The following KLF8 variants were observed in gnomAD, a reference collection of about 807,000 sequenced individuals.
KLF8 encodes the protein Krueppel-like factor 8.
In KLF8, 10 loss-of-function variants were observed where a neutral mutation model predicts 18.2. The observed-to-expected ratio is 0.55, with a 90% CI of 0.34 to 0.93. KLF8 has a LOEUF of 0.93. Among genes scored for constraint, KLF8 ranks in the 40% least tolerant of loss-of-function variants. The pLI is 0.02. For missense variants in KLF8, 264 were observed against 277.9 expected (o/e 0.95, Z 0.36); for synonymous variants, 109 against 97.3 (o/e 1.12, Z -0.71).
chrX:56,284,765 C>T lies in KLF8; in HGVS notation c.*271C>T, dbSNP rs189932828. On this transcript the variant is annotated 3_prime_UTR_variant, in exon 6 of 6. Coordinates refer to ENST00000468660, the MANE Select transcript of KLF8 (RefSeq NM_007250.5). Reference sequence around the variant, plus strand: ...ACCCATGGCTGCCTTCCCATCCCCCCCTGCTCTGAAATAGGACATTTTTCC... The same window carrying T: ...ACCCATGGCTGCCTTCCCATCCCCCTCTGCTCTGAAATAGGACATTTTTCC... 2.9e-3 allele frequency: 773 copies of T among 265,743 alleles called. No individual in the cohort carries two copies. Among genetic ancestry groups the T allele is most frequent in the African/African-American group, 0.016 (556 of 35,686 alleles). The allele number at this position is 265,743 out of a possible 1,213,427, so 21.9% of individuals were successfully genotyped here. A position where few individuals can be genotyped will look rare whatever the true frequency, so the allele number is the denominator to read the frequency against.
At position 56,275,802 on chromosome X, in the gene KLF8, A is replaced by T. The variant is rs2067114633; in HGVS notation, c.898+5481A>T. Among the ~76,000 whole-genome samples, 3 of 112,345 alleles carry T rather than the reference A, an allele frequency of 2.7e-5. No individual in the cohort carries two copies. In the South Asian group the frequency reaches 1.1e-3, roughly 41 times the overall value. ...TTGATATGATGTATCACATTAATTGATTTGCATATGCTGAACCATCCCCAC... is the reference window on the plus strand; with the variant it reads ...TTGATATGATGTATCACATTAATTGTTTTGCATATGCTGAACCATCCCCAC... On this transcript the variant is annotated intron_variant, in intron 5 of 5. Transcript: ENST00000468660.
the KLF8 span, among the ~76,000 whole-genome samples, chrX:55,915,740 G>C: frequency 1.7e-4 from 19 of 112,047 alleles, no homozygotes; most frequent in African/African-American, 6.1e-4. Context: ...AGCTGAAGCA[G>C]CAGCTTCCCC....
the KLF8 span, among the ~76,000 whole-genome samples, chrX:56,143,786 C>T: frequency 5.4e-5 from 6 of 111,800 alleles, no homozygotes; most frequent in Non-Finnish European, 9.4e-5. Flanking sequence ...TTGTTGCAAC[C>T]ATTTAAACAA....
the KLF8 span, among the ~76,000 whole-genome samples, chrX:56,150,130 T>C: frequency 4.5e-5 from 5 of 111,383 alleles, no homozygotes; most frequent in South Asian, 1.5e-3. Context: ...TCTCTTCAAG[T>C]CAAATGGCCA....
At chrX:56,056,780 C>T in the KLF8 span, among the ~76,000 whole-genome samples, 1 of 98,886 alleles carries the variant, frequency 1.0e-5, no homozygotes, top group South Asian at 5.0e-4. Context: ...GCACATGTAC[C>T]CTAAAACTTA....
At chrX:56,202,547 T>G in the KLF8 span, among the ~76,000 whole-genome samples, 1 of 91,868 alleles carries the variant, frequency 1.1e-5, no homozygotes, top group Non-Finnish European at 2.2e-5. Context: ...CATTTTTTTG[T>G]ACCATTAACC....
At chrX:56,054,832 C>A in the KLF8 span, among the ~76,000 whole-genome samples, 6 of 111,896 alleles carry the variant, frequency 5.4e-5, no homozygotes, top group Non-Finnish European at 7.5e-5. Flanking sequence ...TTTACCATCA[C>A]ATAATGCTTT....
rs768696427 is a variant in KLF8 at position 56,254,411 on chromosome X, C to T, written c.81+4107C>T. Among the ~76,000 whole-genome samples, 40 of 111,458 alleles carry T rather than the reference C, an allele frequency of 3.6e-4. No individual in the cohort carries two copies. In the South Asian group the frequency reaches 4.2e-3, roughly 12 times the overall value. On this transcript the variant is annotated intron_variant, in intron 2 of 5. Transcript: ENST00000468660. Reference sequence around the variant, plus strand: ...GCACCCCACAGCAGAGTCCGGGGGGCGGGGTGCCTGCGACCCTTGAAGCCC... The same window carrying T: ...GCACCCCACAGCAGAGTCCGGGGGGTGGGGTGCCTGCGACCCTTGAAGCCC...
At chrX:56,076,060 T>A in the KLF8 span, among the ~76,000 whole-genome samples, 1 of 109,672 alleles carries the variant, frequency 9.1e-6, no homozygotes, top group South Asian at 3.9e-4. Flanking sequence ...TATGCAGTGT[T>A]TGGTTTTTTG....
rs1393688904 is a variant in KLF8 at position 56,246,084 on chromosome X, GA to G, written c.8-4146del. 2.8e-3 allele frequency among the ~76,000 whole-genome samples: 309 copies of G among 111,934 alleles called. 2 individuals are homozygous for G. The highest frequency in any genetic ancestry group is 9.5e-3 in the African/African-American group (294 of 30,825). On this transcript the variant is annotated intron_variant, in intron 1 of 5. Coordinates refer to ENST00000468660, the MANE Select transcript of KLF8 (RefSeq NM_007250.5). ...TATTCCATTTGGCTGTTTTCTGGGTGAGGGCACTAGCCAGAAATGGCTGAGA... is the reference window on the plus strand; with the variant it reads ...TATTCCATTTGGCTGTTTTCTGGGTGGGGCACTAGCCAGAAATGGCTGAGA...
the KLF8 span, among the ~76,000 whole-genome samples, chrX:56,016,182 C>T: frequency 9.0e-6 from 1 of 111,590 alleles, no homozygotes; most frequent in Non-Finnish European, 1.9e-5. Flanking sequence ...ATCATTTAGC[C>T]TCAATATAAT....
the KLF8 span, among the ~76,000 whole-genome samples, chrX:56,184,919 G>C: frequency 1.9e-4 from 21 of 111,969 alleles, no homozygotes; most frequent in Admixed American, 2.0e-3. Context: ...CCACAAAGAT[G>C]GGGAAAAAAC....
the KLF8 span, among the ~76,000 whole-genome samples, chrX:55,921,853 A>G: frequency 8.9e-6 from 1 of 112,705 alleles, no homozygotes; most frequent in African/African-American, 3.2e-5. Context: ...GCCAACATAC[A>G]TATCAAAAAC....
At chrX:56,089,445 A>G in the KLF8 span, among the ~76,000 whole-genome samples, 1 of 112,209 alleles carries the variant, frequency 8.9e-6, no homozygotes, top group African/African-American at 3.2e-5. Context: ...CACCTTATGT[A>G]TGATGCTTGT....
the KLF8 span, among the ~76,000 whole-genome samples, chrX:56,038,778 G>C: frequency 8.9e-6 from 1 of 112,446 alleles, no homozygotes; most frequent in Non-Finnish European, 1.9e-5. Context: ...CTAGGTCTTT[G>C]AGGAACTGCC....
chrX:56,156,404 T>C, the KLF8 span, among the ~76,000 whole-genome samples: 4,349 of 109,591 alleles, frequency 0.04, 227 homozygotes, highest in African/African-American at 0.14. Context: ...CACCCTCTAA[T>C]AGGCCCCAGA....
At chrX:56,031,644 C>A in the KLF8 span, among the ~76,000 whole-genome samples, 1 of 111,845 alleles carries the variant, frequency 8.9e-6, no homozygotes, top group African/African-American at 3.3e-5. Flanking sequence ...CTCCACAGGG[C>A]AGGCCTAAGC....
the KLF8 span, among the ~76,000 whole-genome samples, chrX:56,054,268 A>G: frequency 9.0e-6 from 1 of 111,327 alleles, no homozygotes; most frequent in Admixed American, 9.6e-5. Flanking sequence ...TGTATTCTAG[A>G]GATTCTGGGA....
the KLF8 span, among the ~76,000 whole-genome samples, chrX:56,082,584 G>A: frequency 9.2e-6 from 1 of 108,368 alleles, no homozygotes; most frequent in Non-Finnish European, 1.9e-5. Context: ...AAAAAAGTAA[G>A]CATTTACAGC....
Sources: allele counts gnomAD v4.1 joint callset (sites outside exome capture counted in the v4.1 genomes callset), GRCh38; gene constraint gnomAD v4.1.1; transcripts MANE v1.5; gene names NCBI Gene and HGNC (gene_info 2026-07-23, HGNC 2026-07-21).